DCC: variants seen among roughly 807,000 people sequenced by gnomAD.
DCC encodes DCC netrin 1 receptor.
DCC carries 58 observed loss-of-function variants against 172.5 expected under a neutral mutation model. That is an observed-to-expected ratio of 0.34 (90% CI 0.27 to 0.42). The LOEUF is 0.42. Ranked by LOEUF, DCC falls within the 10% of genes least tolerant of loss-of-function variation. The pLI is 1.00. For missense variants in DCC, 1,740 were observed against 1,791.0 expected, an observed-to-expected ratio of 0.97 and a Z score of 0.51; for synonymous variants, 709 against 644.5, an observed-to-expected ratio of 1.10 and a Z score of -1.52.
At chr18:52,755,645 A>G (rs1168066223) in intron 2 of DCC, among the ~76,000 whole-genome samples, 6 of 152,156 alleles carry the variant, frequency 3.9e-5, no homozygotes, top group African/African-American at 1.2e-4. Flanking sequence ...GACCTGATTT[A>G]ATCTCAGTTT....
chr18:52,999,200 A>ATT (rs750451167), intron 5 of DCC, among the ~76,000 whole-genome samples: 2 of 149,914 alleles, frequency 1.3e-5, no homozygotes, highest in East Asian at 3.9e-4. Flanking sequence ...GGGCAACAAC[A>ATT]TTTTTTTTTT....
chr18:53,122,107 T>G (rs748592195), intron 7 of DCC, among the ~76,000 whole-genome samples: 3 of 152,004 alleles, frequency 2.0e-5, no homozygotes, highest in Non-Finnish European at 4.4e-5. Flanking sequence ...GCATGAGTTT[T>G]AACCAACTGA....
At chr18:53,275,720 T>G (rs1312699278) in intron 12 of DCC, among the ~76,000 whole-genome samples, 1 of 152,104 alleles carries the variant, frequency 6.6e-6, no homozygotes, top group Non-Finnish European at 1.5e-5. Flanking sequence ...TCCTGTTGGT[T>G]TTGCTATTCA....
chr18:52,975,673 G>C (rs141468092), intron 5 of DCC, among the ~76,000 whole-genome samples: 4 of 152,008 alleles, frequency 2.6e-5, no homozygotes, highest in African/African-American at 9.7e-5. Flanking sequence ...ATCCATGTTC[G>C]TGCAAAGGAT....
At chr18:53,185,393 GC>G (rs1459127838) in intron 9 of DCC, among the ~76,000 whole-genome samples, 1 of 152,036 alleles carries the variant, frequency 6.6e-6, no homozygotes, top group Non-Finnish European at 1.5e-5. Context: ...TTTATTTTGT[GC>G]TAAGTTCTAG....
chr18:53,453,885 A>C (rs2045449175), intron 23 of DCC, among the ~76,000 whole-genome samples: 1 of 152,168 alleles, frequency 6.6e-6, no homozygotes, highest in African/African-American at 2.4e-5. Flanking sequence ...AAACATAAAA[A>C]TTCCCAATGG....
intron 11 of DCC, among the ~76,000 whole-genome samples, chr18:53,211,494 C>T (rs1025637418): frequency 5.9e-5 from 9 of 152,142 alleles, no homozygotes; most frequent in Admixed American, 1.3e-4. Context: ...GAGGCCCAGG[C>T]GGGCAGATCA....
intron 13 of DCC, among the ~76,000 whole-genome samples, chr18:53,317,133 A>G (rs1017986175): frequency 7.1e-6 from 1 of 141,720 alleles, no homozygotes; most frequent in East Asian, 2.1e-4. Flanking sequence ...TACCTAGTTT[A>G]TTGAAAGTTT....
chr18:52,452,339 A>G (rs1398899595), intron 1 of DCC, among the ~76,000 whole-genome samples: 1 of 152,218 alleles, frequency 6.6e-6, no homozygotes, highest in African/African-American at 2.4e-5. Context: ...CTAATAAAAT[A>G]TTACTAACTT....
At chr18:53,108,777 C>T (rs1412182008) in intron 7 of DCC, among the ~76,000 whole-genome samples, 1 of 151,532 alleles carries the variant, frequency 6.6e-6, no homozygotes, top group Non-Finnish European at 1.5e-5. Context: ...CAATGAATTG[C>T]TATTGAGTGT....
At chr18:52,794,130 G>A (rs2037826626) in intron 2 of DCC, among the ~76,000 whole-genome samples, 1 of 152,020 alleles carries the variant, frequency 6.6e-6, no homozygotes, top group South Asian at 2.1e-4. Flanking sequence ...TGGCTATTCA[G>A]AATCTTTTGT....
intron 7 of DCC, among the ~76,000 whole-genome samples, chr18:53,088,327 T>A (rs1225602842): frequency 3.3e-5 from 5 of 152,234 alleles, no homozygotes; most frequent in African/African-American, 9.6e-5. Context: ...ACATCCCTTG[T>A]AAGTTGTATT....
chr18:52,749,945 C>T (rs6508157), intron 1 of DCC, among the ~76,000 whole-genome samples: 12,563 of 152,196 alleles, frequency 0.083, 1,706 homozygotes, highest in African/African-American at 0.29. Context: ...AGCGAAATAT[C>T]TTGGCATTCA....
chr18:53,003,841 G>C (rs1311858127), intron 5 of DCC, among the ~76,000 whole-genome samples: 1 of 152,090 alleles, frequency 6.6e-6, no homozygotes, highest in African/African-American at 2.4e-5. Context: ...ATGCATGAGT[G>C]ATTAGTGTTC....
At chr18:52,597,475 T>C (rs1474580367) in intron 1 of DCC, among the ~76,000 whole-genome samples, 1 of 152,082 alleles carries the variant, frequency 6.6e-6, no homozygotes, top group Non-Finnish European at 1.5e-5. Context: ...CCTCACAAAG[T>C]AGAAAATATG....
chr18:53,116,136 T>C (rs546839947), intron 7 of DCC, among the ~76,000 whole-genome samples: 2 of 151,826 alleles, frequency 1.3e-5, no homozygotes, highest in Non-Finnish European at 3.0e-5. Flanking sequence ...ATGATGTTAA[T>C]GGTGGAGAGT....
intron 5 of DCC, among the ~76,000 whole-genome samples, chr18:53,024,104 T>C (rs1284086651): frequency 6.6e-6 from 1 of 152,070 alleles, no homozygotes; most frequent in African/African-American, 2.4e-5. Context: ...ATGGAGAAAA[T>C]TGACTTGAAG....
At chr18:53,073,462 C>G (rs1054821119) in intron 7 of DCC, among the ~76,000 whole-genome samples, 1 of 152,038 alleles carries the variant, frequency 6.6e-6, no homozygotes, top group African/African-American at 2.4e-5. Flanking sequence ...GGGGGCGGAG[C>G]TTGCAGTGAG....
intron 6 of DCC, among the ~76,000 whole-genome samples, chr18:53,064,268 C>T (rs1475545984): frequency 6.6e-6 from 1 of 152,062 alleles, no homozygotes; most frequent in Non-Finnish European, 1.5e-5. Context: ...TTTGGAAATG[C>T]TCTATGAAAT....
Sources: allele counts gnomAD v4.1 joint callset (sites outside exome capture counted in the v4.1 genomes callset), GRCh38; gene constraint gnomAD v4.1.1; transcripts MANE v1.5; gene names NCBI Gene and HGNC (gene_info 2026-07-23, HGNC 2026-07-21).